Variants in ARMC5 observed in about 807,000 individuals in gnomAD.
ARMC5 encodes armadillo repeat containing 5.
A neutral mutation model predicts 60.5 loss-of-function variants in ARMC5; 28 were observed. That is an observed-to-expected ratio of 0.46 (90% CI 0.34 to 0.63). The LOEUF is 0.63. ARMC5 is among the 30% of genes least tolerant of loss of function. The probability of loss-of-function intolerance (pLI) is 0.01; values close to 1 mark genes in which losing one functional copy is unlikely to be tolerated. For synonymous variants in ARMC5, 680 were observed against 607.3 expected (o/e 1.12, Z -1.76); for missense variants, 1,189 against 1,304.9 (o/e 0.91, Z 1.37).
chr16:31,465,286 C>T, intron 4 of ARMC5: 1 of 1,490,790 alleles, frequency 6.7e-7, no homozygotes. Context: ...TCTGCTGTGC[C>T]CTGACCACAG....
chr16:31,465,139 C>T (rs1258378081), intron 4 of ARMC5: 2 of 1,613,538 alleles, frequency 1.2e-6, no homozygotes. Context: ...CAGCCCCGCG[C>T]CCAGGATCTG....
At chr16:31,460,530 A>G (rs2082295448) in intron 1 of ARMC5, among the ~76,000 whole-genome samples, 1 of 152,240 alleles carries the variant, frequency 6.6e-6, no homozygotes, top group African/African-American at 2.4e-5. Context: ...TATGGCACGA[A>G]TATGCAAATA....
At chr16:31,460,569 T>C (rs1311082224) in intron 1 of ARMC5, among the ~76,000 whole-genome samples, 9 of 152,226 alleles carry the variant, frequency 5.9e-5, no homozygotes, top group Admixed American at 2.0e-4. Context: ...TTTCAAGTTA[T>C]TAAAAACTAG....
chr16:31,467,099 C>T lies in ARMC5; in HGVS notation c.*210C>T. ...TGTAGGGCCCAGAGAAGCAGAACAG[C>T]CCAGAGCCCCAGGTGCCTGGCCTGG... On this transcript the variant is annotated 3_prime_UTR_variant, in exon 6 of 6. Coordinates refer to ENST00000268314, the MANE Select transcript of ARMC5 (RefSeq NM_001105247.2). 1 of 545,818 alleles carries T rather than the reference C, an allele frequency of 1.8e-6. No individual in the cohort carries two copies. The highest frequency in any genetic ancestry group is 4.3e-5 in the South Asian group (1 of 23,512). The allele number at this position is 545,818 out of a possible 1,614,324, so 33.8% of individuals were successfully genotyped here.
rs1291698657 is a variant in ARMC5, at chr16:31,462,051, G to A, written c.583+22G>A. ...GCTGGTAAGAGGCTGTGAGGTTGGG[G>A]TCTGCTAGGGCTTGGGGCAGAAGAA... On this transcript the variant is annotated intron_variant, in intron 2 of 5. Coordinates refer to ENST00000268314, the MANE Select transcript of ARMC5 (RefSeq NM_001105247.2). The surrounding 1 kb of genome is among the most constrained non-coding windows in gnomAD (Gnocchi z 7.2). The A allele has an allele frequency of 1.2e-6, 2 of 1,613,788 alleles. No homozygotes were observed. Among genetic ancestry groups the A allele is most frequent in the South Asian group, 2.2e-5 (2 of 91,076 alleles).
At chr16:31,459,008 G>A, upstream of ARMC5, 1 of 1,533,516 alleles carries the variant, frequency 6.5e-7, no homozygotes, top group Non-Finnish European at 8.7e-7. Flanking sequence ...CTCTGACCGA[G>A]CGAGGGCTCC....
chr16:31,467,000 G>A lies in ARMC5; in HGVS notation c.*111G>A. On this transcript the variant is annotated 3_prime_UTR_variant, in exon 6 of 6. Coordinates refer to ENST00000268314, the MANE Select transcript of ARMC5 (RefSeq NM_001105247.2). This position sits in a 1 kb window ranked among gnomAD's most constrained non-coding sequence, Gnocchi z 8.0. Reference sequence around the variant, plus strand: ...CAGAAGGAGTCATCATGGAGGAGCGGTGAGAACATGGAACCGGACTCCAAG... The same window carrying A: ...CAGAAGGAGTCATCATGGAGGAGCGATGAGAACATGGAACCGGACTCCAAG... The A allele has an allele frequency of 3.8e-6, 5 of 1,305,892 alleles. No homozygotes were observed. Among genetic ancestry groups the A allele is most frequent in the Non-Finnish European group, 3.0e-6 (3 of 999,716 alleles). 80.9% of individuals were successfully genotyped at this position (1,305,892 alleles called of 1,614,324 possible). A position where few individuals can be genotyped will look rare whatever the true frequency, so the allele number is the denominator to read the frequency against.
rs1022735732 is a variant in ARMC5 at position 31,459,803 on chromosome 16, C to G, written c.279C>G (p.Pro93=). The change falls in exon 1 of 6, where the codon CCC becomes CCG. Residue 93 remains proline (P), a synonymous_variant. Transcript: ENST00000268314. The stretch of plus-strand genomic sequence containing the variant: ...CCCAGGCAGGCCCCGGCTCCGCCCC[C>G]TCGTCGGCCGCGTCGGGAGCTTCTA... The part of the protein sequence containing the change: ...APSQAGPGSA[P]SSAASGASSP... 7 of 1,540,254 alleles carry G rather than the reference C, an allele frequency of 4.5e-6. No individual in the cohort carries two copies. The African/African-American group carries it at 6.9e-5, about 15-fold the overall frequency.
Position 31,466,030 on chromosome 16 carries a change from T to C in ARMC5, c.1997+48T>C. The C allele has an allele frequency of 6.3e-7, 1 of 1,594,058 alleles. No individual in the cohort carries two copies. Among genetic ancestry groups the C allele is most frequent in the Non-Finnish European group, 8.5e-7 (1 of 1,176,010 alleles). ...GCGGGGTTGGGGGAGGAGTGCTGTG[T>C]TTCCCAGGCCCGTTGCCCACCTTTT... On this transcript the variant is annotated intron_variant, in intron 5 of 5. Coordinates refer to ENST00000268314, the MANE Select transcript of ARMC5 (RefSeq NM_001105247.2). The surrounding 1 kb of genome is among the most constrained non-coding windows in gnomAD (Gnocchi z 8.0).
In ARMC5 at chr16:31,464,682, C is replaced by T. The variant is rs368415880; in HGVS notation, c.1659C>T (p.Thr553=). 2 of 1,598,726 alleles carry T rather than the reference C, an allele frequency of 1.3e-6. No individual in the cohort carries two copies. Among genetic ancestry groups the T allele is most frequent in the East Asian group, 2.2e-5 (1 of 44,820 alleles). Reference sequence around the variant, plus strand: ...GCCCGGCGCTGTACGGCCTGCTGACCTATGTGACCGGCGCACCGGGCCCGC... The same window carrying T: ...GCCCGGCGCTGTACGGCCTGCTGACTTATGTGACCGGCGCACCGGGCCCGC... The part of the protein sequence containing the change: ...VTGPALYGLL[T]YVTGAPGPPS... Residue 553 remains threonine (T), a synonymous_variant, in exon 4 of 6, where the codon ACC becomes ACT. Transcript: ENST00000268314. This position sits in a 1 kb window ranked among gnomAD's most constrained non-coding sequence, Gnocchi z 7.6.
rs141923065 is a variant in ARMC5, at chr16:31,462,770, A to G, written c.1223A>G (p.Gln408Arg). ...LYDTGALGRLQALGLVPLLAG... is the reference protein window; with the variant it reads ...LYDTGALGRLRALGLVPLLAG... ...GACACTGGGGCCCTGGGCCGGCTGC[A>G]GGCTCTGGGACTTGTGCCTCTCCTG... The change falls in exon 3 of 6, where the codon CAG becomes CGG. Residue 408 changes from glutamine to arginine, a missense_variant. Around this residue, in one of 2 missense-constraint regions of ARMC5, gnomAD observed 862 missense variants for 1,071.2 expected, o/e 0.80. Transcript: ENST00000268314. The surrounding 1 kb of genome is among the most constrained non-coding windows in gnomAD (Gnocchi z 7.2). The G allele has an allele frequency of 4.3e-3, 6,976 of 1,613,952 alleles. 24 individuals carry two copies. Among genetic ancestry groups the G allele is most frequent in the Non-Finnish European group, 5.6e-3 (6,587 of 1,180,006 alleles).
rs919708386 is a variant in ARMC5, at chr16:31,464,342, C to G, written c.1371-52C>G. On this transcript the variant is annotated intron_variant, in intron 3 of 5. Transcript: ENST00000268314. This position sits in a 1 kb window ranked among gnomAD's most constrained non-coding sequence, Gnocchi z 7.6. ...GACGCCTCACGCCTCTTGGACTCTG[C>G]CCCTTAACCTTGGCTCTGGGTTCAG... 2.1e-6 allele frequency: 3 copies of G among 1,405,986 alleles called. No individual in the cohort carries two copies. The African/African-American group carries it at 4.5e-5, about 21-fold the overall frequency. The allele number at this position is 1,405,986 out of a possible 1,614,324, so 87.1% of individuals were successfully genotyped here. A position where few individuals can be genotyped will look rare whatever the true frequency, so the allele number is the denominator to read the frequency against.
chr16:31,466,182 GC>G lies in ARMC5; in HGVS notation c.2103del (p.Ala702ArgfsTer15). ...PAPHPLFLFF[A>X]ADSLSCLQDL... Reference sequence around the variant, plus strand: ...CCCACACCCGCTCTTCCTCTTCTTTGCCGCGGACTCCCTTTCCTGCCTCCAA... The same window carrying G: ...CCCACACCCGCTCTTCCTCTTCTTTGCGCGGACTCCCTTTCCTGCCTCCAA... On this transcript the variant is annotated frameshift_variant, in exon 6 of 6. Coordinates refer to ENST00000268314, the MANE Select transcript of ARMC5 (RefSeq NM_001105247.2). LOFTEE classifies it high-confidence loss of function. The surrounding 1 kb of genome is among the most constrained non-coding windows in gnomAD (Gnocchi z 8.0). 6.2e-7 allele frequency: 1 copy of G among 1,611,924 alleles called. No individual in the cohort carries two copies. The highest frequency in any genetic ancestry group is 2.2e-5 in the East Asian group (1 of 44,870).
upstream of ARMC5, chr16:31,458,419 T>G (rs747688243): frequency 2.1e-4 from 317 of 1,535,450 alleles, no homozygotes; most frequent in Non-Finnish European, 1.4e-4. Flanking sequence ...GGGGCAGGAG[T>G]ACGGCTTTTC....
chr16:31,459,010 G>A, upstream of ARMC5: 1 of 1,533,358 alleles, frequency 6.5e-7, no homozygotes, highest in East Asian at 2.4e-5. Flanking sequence ...CTGACCGAGC[G>A]AGGGCTCCCC....
chr16:31,461,118 C>G (rs564025668), intron 1 of ARMC5, among the ~76,000 whole-genome samples: 73 of 152,124 alleles, frequency 4.8e-4, no homozygotes, highest in Non-Finnish European at 9.4e-4. Context: ...TTCCTACTTC[C>G]ATTGTGTGCC....
upstream of ARMC5, chr16:31,459,312 C>G: frequency 6.5e-7 from 1 of 1,534,906 alleles, no homozygotes; most frequent in Non-Finnish European, 8.7e-7. Context: ...ATGCACCGCC[C>G]GCACGTCCCA....
At position 31,464,817 on chromosome 16, in the gene ARMC5, G is replaced by A. The variant is rs773898258; in HGVS notation, c.1794G>A (p.Leu598=). The change falls in exon 4 of 6, where the codon CTG becomes CTA. Residue 598 remains leucine (L), a synonymous_variant. Transcript: ENST00000268314. This position sits in a 1 kb window ranked among gnomAD's most constrained non-coding sequence, Gnocchi z 7.6. ...GAALLRAWLV[L]GVAPDDWPAP... is the part of the protein sequence containing the mutation. ...CGCTGCTGCGGGCCTGGCTGGTGCT[G>A]GGGGTGGCGCCTGACGATTGGCCGG... The A allele has an allele frequency of 6.3e-7, 1 of 1,597,316 alleles. No individual in the cohort carries two copies. Among genetic ancestry groups the A allele is most frequent in the Non-Finnish European group, 8.5e-7 (1 of 1,178,290 alleles).
chr16:31,458,605 G>T (rs2142894523), upstream of ARMC5: 1 of 1,454,936 alleles, frequency 6.9e-7, no homozygotes, highest in African/African-American at 1.4e-5. Context: ...GGGGCTTGTA[G>T]ACGGTTGCTC....
Sources: gnomAD v4.1 joint callset for allele counts (sites outside exome capture counted in the v4.1 genomes callset) on GRCh38, gnomAD v4.1.1 for gene constraint, gnomAD v4.1.1 regional missense constraint, Gnocchi (gnomAD v3.1) non-coding constraint, MANE v1.5 for transcripts, NCBI Gene and HGNC (gene_info 2026-07-23, HGNC 2026-07-21) for gene names.